The following DMD variants were observed in gnomAD, a reference collection of about 807,000 sequenced individuals.
DMD encodes mutant dystrophin.
A neutral mutation model predicts 330.1 loss-of-function variants in DMD; 63 were observed. The observed-to-expected ratio is 0.19, with a 90% CI of 0.16 to 0.24. The LOEUF is 0.24. DMD is among the 10% of genes least tolerant of loss of function. The pLI, the probability that DMD is intolerant of heterozygous loss-of-function variation, is 1.00. For synonymous variants in DMD, 1,223 were observed against 959.8 expected, an observed-to-expected ratio of 1.27 and a Z score of -5.07; for missense variants, 3,344 against 2,684.1, an observed-to-expected ratio of 1.25 and a Z score of -5.43.
chrX:32,825,572 A>G (rs1402523231), intron 4 of DMD, among the ~76,000 whole-genome samples: 3 of 112,407 alleles, frequency 2.7e-5, no homozygotes, highest in African/African-American at 9.7e-5. Context: ...TGGTAGACCA[A>G]TTATCATAGT....
intron 7 of DMD, among the ~76,000 whole-genome samples, chrX:32,703,846 T>G (rs1473986422): frequency 8.9e-6 from 1 of 111,857 alleles, no homozygotes; most frequent in Non-Finnish European, 1.9e-5. Flanking sequence ...TACTTCTTAT[T>G]ACACGACATT....
At chrX:32,170,755 T>C (rs1469127754) in intron 44 of DMD, among the ~76,000 whole-genome samples, 1 of 110,431 alleles carries the variant, frequency 9.1e-6, no homozygotes, top group Admixed American at 9.8e-5. Flanking sequence ...TGTCTACCAA[T>C]ATCTCTGTCT....
rs151087470 is a variant in DMD at position 31,478,158 on chromosome X, G to A, written c.8885C>T (p.Pro2962Leu). The A allele has an allele frequency of 1.1e-4, 138 of 1,208,761 alleles. No homozygotes were observed. In the East Asian group the frequency reaches 4.1e-3, roughly 36 times the overall value. ...AGAGTCAATGAGGAGATCGCCCACG[G>A]GCTGCCAGGATCCCTTGATCACCTC... ...QAEVIKGSWQ[P>L]VGDLLIDSLQ... Residue 2962 changes from proline (P) to leucine (L), a missense_variant, in exon 59 of 79, where the codon CCC (proline) becomes CTC (leucine). Physicochemically the swap from Pro to Leu is moderately conservative, Grantham distance 98. Coordinates refer to ENST00000357033, the MANE Select transcript of DMD (RefSeq NM_004006.3).
intron 1 of DMD, among the ~76,000 whole-genome samples, chrX:33,160,356 G>A (rs1372966731): frequency 9.0e-6 from 1 of 111,431 alleles, no homozygotes; most frequent in Admixed American, 9.6e-5. Context: ...AGCTACCAGG[G>A]CCACAGCCTA....
chrX:32,828,617 CTATACACA>C (rs199982518), intron 4 of DMD, among the ~76,000 whole-genome samples: 196 of 108,364 alleles, frequency 1.8e-3, no homozygotes, highest in African/African-American at 6.5e-3. Flanking sequence ...ATGTATACAT[CTATACACA>C]TATATACATA....
intron 44 of DMD, among the ~76,000 whole-genome samples, chrX:32,137,585 C>T: frequency 9.0e-6 from 1 of 110,499 alleles, no homozygotes; most frequent in African/African-American, 3.3e-5. Context: ...CTGGTAAAGC[C>T]GAAGAGAACT....
At chrX:33,115,891 A>G (rs1263027656) in intron 1 of DMD, among the ~76,000 whole-genome samples, 1 of 110,649 alleles carries the variant, frequency 9.0e-6, no homozygotes, top group Non-Finnish European at 1.9e-5. Flanking sequence ...TTTATAAACA[A>G]TGATTCAAAA....
intron 29 of DMD, among the ~76,000 whole-genome samples, chrX:32,435,399 T>A (rs1030520750): frequency 1.9e-5 from 2 of 106,583 alleles, no homozygotes; most frequent in African/African-American, 6.7e-5. Flanking sequence ...ATTTATTGAA[T>A]AATTTATTGA....
chrX:31,556,353 T>G (rs1411132697), intron 55 of DMD, among the ~76,000 whole-genome samples: 1 of 91,383 alleles, frequency 1.1e-5, no homozygotes, highest in Admixed American at 1.3e-4. Flanking sequence ...GGTAACAGAG[T>G]GAGACTCTGT....
At chrX:31,275,585 C>T (rs903883570) in intron 62 of DMD, among the ~76,000 whole-genome samples, 1 of 111,175 alleles carries the variant, frequency 9.0e-6, no homozygotes, top group African/African-American at 3.3e-5. Flanking sequence ...ACCACCTGTA[C>T]TTTTGAATAT....
intron 22 of DMD, among the ~76,000 whole-genome samples, chrX:32,470,061 A>T (rs2040457512): frequency 1.8e-5 from 2 of 111,856 alleles, no homozygotes; most frequent in Non-Finnish European, 1.9e-5. Context: ...CACCACTTGC[A>T]AATTGGTACT....
At chrX:32,402,679 A>G (rs537493038) in intron 30 of DMD, among the ~76,000 whole-genome samples, 1 of 111,941 alleles carries the variant, frequency 8.9e-6, no homozygotes, top group Middle Eastern at 4.7e-3. Context: ...TATATTTTCC[A>G]TCAGTCTTTC....
At chrX:32,681,859 G>A (rs999656511) in intron 9 of DMD, among the ~76,000 whole-genome samples, 4 of 109,994 alleles carry the variant, frequency 3.6e-5, no homozygotes, top group East Asian at 2.8e-4. Context: ...TATCAAATAG[G>A]GTAGTCAGAA....
chrX:33,003,659 G>A lies in DMD; in HGVS notation c.93+16480C>T, dbSNP rs1423319338. On this transcript the variant is annotated intron_variant, in intron 2 of 78. Coordinates refer to ENST00000357033, the MANE Select transcript of DMD (RefSeq NM_004006.3). Reference sequence around the variant, plus strand: ...ATTGGTTTACTGACTTAGATGATAGGTTTGTTCTTTAGCAGATATGCTGAA... The same window carrying A: ...ATTGGTTTACTGACTTAGATGATAGATTTGTTCTTTAGCAGATATGCTGAA... Among the ~76,000 whole-genome samples the A allele has an allele frequency of 6.3e-5, 7 of 110,624 alleles. No individual in the cohort carries two copies. In the South Asian group the frequency reaches 2.3e-3, roughly 36 times the overall value.
chrX:32,516,568 TAAAG>T (rs1191494670), intron 18 of DMD: 1 of 111,842 alleles, frequency 8.9e-6, no homozygotes, highest in Admixed American at 9.5e-5. Context: ...TGTCTTAAGA[TAAAG>T]AAACAGAGTA....
intron 9 of DMD, among the ~76,000 whole-genome samples, chrX:32,692,816 A>G (rs2063376327): frequency 8.9e-6 from 1 of 112,047 alleles, no homozygotes; most frequent in South Asian, 3.7e-4. Context: ...TCAGACCACA[A>G]AATCTTATCT....
chrX:31,493,562 A>C (rs1468628914), intron 57 of DMD, among the ~76,000 whole-genome samples: 2 of 110,367 alleles, frequency 1.8e-5, no homozygotes, highest in Non-Finnish European at 3.8e-5. Flanking sequence ...AAATGGAGGC[A>C]GTATGGCTGG....
chrX:33,086,983 G>A (rs2095017173), intron 1 of DMD, among the ~76,000 whole-genome samples: 1 of 110,895 alleles, frequency 9.0e-6, no homozygotes, highest in African/African-American at 3.3e-5. Flanking sequence ...AAAATGCAGA[G>A]GAATTTAAAT....
At chrX:31,529,884 A>C (rs965233941) in intron 55 of DMD, among the ~76,000 whole-genome samples, 1 of 102,454 alleles carries the variant, frequency 9.8e-6, no homozygotes, top group African/African-American at 3.7e-5. Flanking sequence ...GCTTCTTGAA[A>C]GAAAGATTTC....
Sources: allele counts gnomAD v4.1 joint callset (sites outside exome capture counted in the v4.1 genomes callset), GRCh38; gene constraint gnomAD v4.1.1; transcripts MANE v1.5; gene names NCBI Gene and HGNC (gene_info 2026-07-23, HGNC 2026-07-21).